The following CEP290 variants were observed in gnomAD, a reference collection of about 807,000 sequenced individuals.
CEP290 encodes centrosomal protein of 290 kDa.
A neutral mutation model predicts 344.9 loss-of-function variants in CEP290; 317 were observed. That is an observed-to-expected ratio of 0.92 (90% CI 0.84 to 1.01). The LOEUF is 1.01. Ranked by LOEUF, CEP290 falls within the 50% of genes least tolerant of loss-of-function variation. The pLI, the probability that CEP290 is intolerant of heterozygous loss-of-function variation, is 0.00. For synonymous variants in CEP290, 932 were observed against 895.8 expected, an observed-to-expected ratio of 1.04 and a Z score of -0.72; for missense variants, 2,754 against 2,761.4, an observed-to-expected ratio of 1.00 and a Z score of 0.06.
chr12:88,063,954 T>C (rs746651572), intron 45 of CEP290, 27 bp downstream of exon 45: 19 of 1,563,612 alleles, frequency 1.2e-5, no homozygotes, highest in Middle Eastern at 1.9e-4. Flanking sequence ...AGGCATTAGA[T>C]TTCCTAATAA....
At chr12:88,116,983 A>G (rs764310266) in intron 18 of CEP290, 50 bp downstream of exon 18, 57 of 1,063,796 alleles carry the variant, frequency 5.4e-5, no homozygotes, top group Non-Finnish European at 6.9e-5. Flanking sequence ...CAAAAAAAAA[A>G]AAAAAAAAAA....
intron 53 of CEP290, 65 bp from the exon 54 acceptor site, chr12:88,049,479 G>T: frequency 1.2e-6 from 1 of 845,496 alleles, no homozygotes. Context: ...TTTGAACAAG[G>T]AGATTTAATT....
chr12:88,103,135 T>C (rs1235018072), intron 25 of CEP290, 124 bp from the exon 26 acceptor site: 2 of 484,930 alleles, frequency 4.1e-6, no homozygotes, highest in Non-Finnish European at 6.8e-6. Flanking sequence ...TTAAAATATA[T>C]GATTTCCCAT....
chr12:88,103,503 T>G (rs1190306158), intron 25 of CEP290: 1 of 152,828 alleles, frequency 6.5e-6, no homozygotes, highest in African/African-American at 2.4e-5. Context: ...GGAGAGCTTC[T>G]ATTATAGTTC....
At chr12:88,072,167 T>TA (rs2035428760) in intron 41 of CEP290, among the ~76,000 whole-genome samples, 1 of 152,170 alleles carries the variant, frequency 6.6e-6, no homozygotes, top group Non-Finnish European at 1.5e-5. Flanking sequence ...CATAATGAGA[T>TA]ATCTTAGGGA....
intron 2 of CEP290, 56 bp from the exon 3 acceptor site, chr12:88,141,089 A>C (rs1420738549): frequency 1.4e-6 from 2 of 1,392,594 alleles, no homozygotes; most frequent in Non-Finnish European, 1.9e-6. Flanking sequence ...GCAAAATATA[A>C]GAACACTTCC....
Position 88,060,001 on chromosome 12 carries a change from TTA to T in CEP290, c.6540_6541del (p.Lys2181SerfsTer12), listed in dbSNP as rs1465818061. ...GCTCAACTGATGCCCAAGATGAGCTTTAAGTTTTTCTAATTCAGCCTAGTAAA... is the reference window on the plus strand; with the variant it reads ...GCTCAACTGATGCCCAAGATGAGCTTAGTTTTTCTAATTCAGCCTAGTAAA... On this transcript the variant is annotated frameshift_variant, in exon 48 of 54. Transcript: ENST00000552810. LOFTEE classifies it high-confidence loss of function. The T allele has an allele frequency of 6.4e-7, 1 of 1,561,482 alleles. No individual in the cohort carries two copies. Among genetic ancestry groups the T allele is most frequent in the East Asian group, 2.3e-5 (1 of 43,600 alleles).
chr12:88,049,140 A>T lies in CEP290; in HGVS notation c.*44T>A, dbSNP rs758554678. The T allele has an allele frequency of 6.1e-6, 7 of 1,149,152 alleles. No homozygotes were observed. The African/African-American group carries it at 1.1e-4, about 18-fold the overall frequency. The allele number at this position is 1,149,152 out of a possible 1,614,324, so 71.2% of individuals were successfully genotyped here. The stretch of plus-strand genomic sequence containing the variant: ...TTATTTCCAAGTATATTTAACTTAT[A>T]AAGTTAATAAATAGTTAAATGAAAC... On this transcript the variant is annotated 3_prime_UTR_variant, in exon 54 of 54. Transcript: ENST00000552810.
chr12:88,072,708 C>G (rs973778652), intron 41 of CEP290, among the ~76,000 whole-genome samples: 2 of 152,066 alleles, frequency 1.3e-5, no homozygotes, highest in African/African-American at 4.8e-5. Flanking sequence ...ACTCATTTGA[C>G]AGGTACTTAT....
At chr12:88,074,999 T>A (rs183838971) in intron 41 of CEP290, among the ~76,000 whole-genome samples, 40 of 152,286 alleles carry the variant, frequency 2.6e-4, no homozygotes, top group Non-Finnish European at 4.3e-4. Flanking sequence ...TCCAGGAAAT[T>A]AATCAAACCC....
At chr12:88,132,814 G>A (rs1483534203) in intron 6 of CEP290, among the ~76,000 whole-genome samples, 3 of 152,252 alleles carry the variant, frequency 2.0e-5, no homozygotes, top group South Asian at 4.1e-4. Context: ...ATGGTGGCTT[G>A]CTGCACAGAT....
rs2035857040 is a variant in CEP290, at chr12:88,077,363, C to T, written c.5587-19G>A. ...GTTTGCCCTAAAAAATAAAATGTAACTTTATATTTTTACAAATAAATGTAA... is the reference window on the plus strand; with the variant it reads ...GTTTGCCCTAAAAAATAAAATGTAATTTTATATTTTTACAAATAAATGTAA... On this transcript the variant is annotated intron_variant, in intron 40 of 53. Coordinates refer to ENST00000552810, the MANE Select transcript of CEP290 (RefSeq NM_025114.4). The T allele has an allele frequency of 2.9e-6, 4 of 1,396,646 alleles. No homozygotes were observed. The highest frequency in any genetic ancestry group is 1.5e-5 in the African/African-American group (1 of 67,268). 86.5% of individuals were successfully genotyped at this position (1,396,646 alleles called of 1,614,324 possible). A position where few individuals can be genotyped will look rare whatever the true frequency, so the allele number is the denominator to read the frequency against.
chr12:88,063,244 C>T (rs2034624625), intron 45 of CEP290, among the ~76,000 whole-genome samples: 1 of 150,778 alleles, frequency 6.6e-6, no homozygotes, highest in East Asian at 1.9e-4. Context: ...TTAACTATAT[C>T]ATTACCAGTG....
intron 13 of CEP290, among the ~76,000 whole-genome samples, chr12:88,124,219 A>G (rs899637613): frequency 6.6e-6 from 1 of 152,048 alleles, no homozygotes; most frequent in African/African-American, 2.4e-5. Context: ...AAGGCCCCAT[A>G]TGATATGGCC....
intron 41 of CEP290, 135 bp from the exon 42 acceptor site, chr12:88,072,061 C>A: frequency 2.4e-6 from 2 of 847,314 alleles, no homozygotes; most frequent in Non-Finnish European, 1.7e-6. Context: ...GTTCATTTTG[C>A]TATACAGGTT....
In CEP290 at chr12:88,108,730, G is replaced by A. The variant is rs1374918198; in HGVS notation, c.2483+336C>T. Among the ~76,000 whole-genome samples, 5 of 152,154 alleles carry A rather than the reference G, an allele frequency of 3.3e-5. No individual in the cohort carries two copies. The South Asian group carries it at 6.2e-4, about 19-fold the overall frequency. On this transcript the variant is annotated intron_variant, in intron 23 of 53. Transcript: ENST00000552810. ...CATTTTCATCTAATAATTCATTTAC[G>A]TTTTACAATAATCCTATGAAAAGGG...
intron 36 of CEP290, 60 bp from the exon 37 acceptor site, chr12:88,083,290 T>C (rs2036328874): frequency 1.0e-6 from 1 of 956,142 alleles, no homozygotes; most frequent in Admixed American, 4.1e-5. Context: ...ACTTATTCCA[T>C]ATTTTTAATT....
chr12:88,139,780 T>A (rs996645663), intron 3 of CEP290, among the ~76,000 whole-genome samples: 31 of 152,166 alleles, frequency 2.0e-4, no homozygotes, highest in Non-Finnish European at 3.5e-4. Flanking sequence ...CAGGCTGGAG[T>A]GCAGTGGCAC....
intron 43 of CEP290, among the ~76,000 whole-genome samples, chr12:88,070,002 T>G (rs988010387): frequency 1.3e-5 from 2 of 152,158 alleles, no homozygotes; most frequent in Non-Finnish European, 2.9e-5. Context: ...CAGAATAAAA[T>G]TAAAAAGTTT....
Sources: gnomAD v4.1 joint callset for allele counts (sites outside exome capture counted in the v4.1 genomes callset) on GRCh38, gnomAD v4.1.1 for gene constraint, MANE v1.5 for transcripts, NCBI Gene and HGNC (gene_info 2026-07-23, HGNC 2026-07-21) for gene names.